Variants in KIAA1217 observed in about 807,000 individuals in gnomAD.
KIAA1217 encodes KIAA1217, also known as sickle tail protein homolog.
In KIAA1217, 88 loss-of-function variants were observed where a neutral mutation model predicts 163.9. That is an observed-to-expected ratio of 0.54 (90% CI 0.45 to 0.64). The LOEUF (loss-of-function observed/expected upper bound fraction) is 0.64. Among genes scored for constraint, KIAA1217 ranks in the 30% least tolerant of loss-of-function variants. The pLI, the probability that KIAA1217 is intolerant of heterozygous loss-of-function variation, is 0.00. For synonymous variants in KIAA1217, 903 were observed against 923.1 expected, an observed-to-expected ratio of 0.98 and a Z score of 0.39; for missense variants, 2,372 against 2,475.0, an observed-to-expected ratio of 0.96 and a Z score of 0.88.
intron 2 of KIAA1217, among the ~76,000 whole-genome samples, chr10:24,227,399 T>G (rs1195014853): frequency 6.6e-6 from 1 of 152,052 alleles, no homozygotes; most frequent in African/African-American, 2.4e-5. Flanking sequence ...CCTCAGATGG[T>G]CCACCTGCCT....
intron 2 of KIAA1217, among the ~76,000 whole-genome samples, chr10:24,201,202 C>T (rs778007503): frequency 4.6e-5 from 7 of 152,046 alleles, no homozygotes; most frequent in Admixed American, 1.3e-4. Context: ...ACCCAGGAGG[C>T]GGAGGTTGCA....
intron 1 of KIAA1217, among the ~76,000 whole-genome samples, chr10:23,772,948 T>C (rs1425338376): frequency 1.3e-5 from 2 of 152,168 alleles, no homozygotes; most frequent in Non-Finnish European, 2.9e-5. Flanking sequence ...ATCAAGGCCC[T>C]AATTTTGTTT....
At chr10:24,313,276 C>T (rs1377154995) in intron 2 of KIAA1217, among the ~76,000 whole-genome samples, 1 of 152,138 alleles carries the variant, frequency 6.6e-6, no homozygotes, top group East Asian at 1.9e-4. Flanking sequence ...ATGACAGGAG[C>T]CCTCATTGCC....
chr10:23,936,299 A>G (rs189469741), intron 1 of KIAA1217, among the ~76,000 whole-genome samples: 1 of 152,112 alleles, frequency 6.6e-6, no homozygotes, highest in African/African-American at 2.4e-5. Context: ...GGAAAGGTGG[A>G]GTGTAGAATT....
chr10:24,438,530 C>A (rs1320245331), intron 5 of KIAA1217, 51 bp downstream of exon 5: 1 of 1,241,066 alleles, frequency 8.1e-7, no homozygotes, highest in Non-Finnish European at 1.2e-6. Flanking sequence ...CAAAGCGTCC[C>A]TCCTCTTGCT....
intron 1 of KIAA1217, among the ~76,000 whole-genome samples, chr10:23,969,898 G>A (rs757649091): frequency 1.3e-5 from 2 of 152,198 alleles, no homozygotes; most frequent in Non-Finnish European, 2.9e-5. Flanking sequence ...CACAATCATG[G>A]CAGAAGGCAA....
intron 13 of KIAA1217, among the ~76,000 whole-genome samples, chr10:24,526,050 G>C (rs1465102486): frequency 6.6e-6 from 1 of 152,146 alleles, no homozygotes; most frequent in Non-Finnish European, 1.5e-5. Flanking sequence ...TCAAGGGCTG[G>C]TACCAGTGCT....
At chr10:23,848,521 G>A (rs1186286917) in intron 1 of KIAA1217, among the ~76,000 whole-genome samples, 1 of 151,856 alleles carries the variant, frequency 6.6e-6, no homozygotes, top group Non-Finnish European at 1.5e-5. Context: ...CTCAAAATTG[G>A]TATGTCTAAA....
chr10:24,307,417 T>C (rs1361838053), intron 2 of KIAA1217, among the ~76,000 whole-genome samples: 2 of 152,172 alleles, frequency 1.3e-5, no homozygotes, highest in Admixed American at 1.3e-4. Context: ...TTTGGCGCTG[T>C]GGAAACAGCC....
At chr10:23,776,492 G>A (rs940909182) in intron 1 of KIAA1217, among the ~76,000 whole-genome samples, 1 of 150,992 alleles carries the variant, frequency 6.6e-6, no homozygotes, top group Non-Finnish European at 1.5e-5. Flanking sequence ...GGTGACAGTT[G>A]TATATACCAT....
At chr10:24,524,270 C>A in intron 12 of KIAA1217, 53 bp from the exon 13 acceptor site, 1 of 1,553,066 alleles carries the variant, frequency 6.4e-7, no homozygotes, top group Non-Finnish European at 8.8e-7. Flanking sequence ...GCAAGTATAC[C>A]ACCATGAGAA....
At chr10:23,985,710 G>A (rs1008880250) in intron 1 of KIAA1217, among the ~76,000 whole-genome samples, 74 of 152,176 alleles carry the variant, frequency 4.9e-4, no homozygotes, top group African/African-American at 1.7e-3. Context: ...GGTTTTCTTG[G>A]TTCTTTGGGT....
At chr10:24,493,440 T>A (rs895195722) in intron 6 of KIAA1217, among the ~76,000 whole-genome samples, 2 of 152,236 alleles carry the variant, frequency 1.3e-5, no homozygotes, top group Non-Finnish European at 2.9e-5. Flanking sequence ...TCACATGAGG[T>A]GACATGTGAA....
intron 2 of KIAA1217, among the ~76,000 whole-genome samples, chr10:24,270,865 G>A (rs2076707023): frequency 6.6e-6 from 1 of 152,058 alleles, no homozygotes; most frequent in Admixed American, 6.6e-5. Context: ...TTCTTTTGAT[G>A]ATATTTGGGA....
At chr10:24,402,693 G>T (rs1378247924) in intron 3 of KIAA1217, among the ~76,000 whole-genome samples, 1 of 152,082 alleles carries the variant, frequency 6.6e-6, no homozygotes, top group Non-Finnish European at 1.5e-5. Flanking sequence ...ACAGAATAAA[G>T]AACCCAAAAT....
chr10:24,172,668 A>G (rs1046810739), intron 2 of KIAA1217, among the ~76,000 whole-genome samples: 3 of 152,208 alleles, frequency 2.0e-5, no homozygotes, highest in Non-Finnish European at 2.9e-5. Context: ...CATCACTAGT[A>G]CCAACATTGA....
chr10:24,085,792 G>T (rs569535371), intron 2 of KIAA1217, among the ~76,000 whole-genome samples: 1 of 152,138 alleles, frequency 6.6e-6, no homozygotes, highest in South Asian at 2.1e-4. Flanking sequence ...AGGTAACATG[G>T]CAAAATCACG....
At position 24,533,162 on chromosome 10, in the gene KIAA1217, G is replaced by A. The variant is rs200553530; in HGVS notation, c.3339G>A (p.Pro1113=). The A allele has an allele frequency of 1.0e-4, 162 of 1,613,608 alleles. No homozygotes were observed. The highest frequency in any genetic ancestry group is 6.8e-4 in the Middle Eastern group (4 of 5,920). ...CTTCAGCCTGGACCCCATCCCCACC[G>A]CCTGTCACCACCTCCTCCTCAAAGG... ...EPASAWTPSP[P]PVTTSSSKDE... The change falls in exon 16 of 21, where the codon CCG becomes CCA. Residue 1113 remains proline, a synonymous_variant. Coordinates refer to ENST00000376454, the MANE Select transcript of KIAA1217 (RefSeq NM_019590.5).
At chr10:23,782,725 AT>A (rs1171937344) in intron 1 of KIAA1217, among the ~76,000 whole-genome samples, 5 of 152,102 alleles carry the variant, frequency 3.3e-5, no homozygotes, top group Non-Finnish European at 5.9e-5. Flanking sequence ...CCTAACAATT[AT>A]TTTTTTGTAT....
Sources: allele counts gnomAD v4.1 joint callset (sites outside exome capture counted in the v4.1 genomes callset), GRCh38; gene constraint gnomAD v4.1.1; transcripts MANE v1.5; gene names NCBI Gene and HGNC (gene_info 2026-07-23, HGNC 2026-07-21).